Variants in GRID1 observed in about 807,000 individuals in gnomAD.
GRID1 encodes glutamate ionotropic receptor delta type subunit 1.
In GRID1, 28 loss-of-function variants were observed where a neutral mutation model predicts 98.0. The ratio of observed to expected loss-of-function variants is 0.29; its 90% CI spans 0.21 to 0.39. GRID1 has a LOEUF of 0.39. GRID1 is among the 10% of genes least tolerant of loss of function. The probability of loss-of-function intolerance (pLI) is 1.00; values close to 1 mark genes in which losing one functional copy is unlikely to be tolerated. For synonymous variants in GRID1, 553 were observed against 538.5 expected (o/e 1.03, Z -0.37); for missense variants, 1,111 against 1,340.5 (o/e 0.83, Z 2.67).
chr10:86,335,157 C>T (rs1037425881), intron 2 of GRID1, among the ~76,000 whole-genome samples: 3 of 152,236 alleles, frequency 2.0e-5, no homozygotes, highest in Non-Finnish European at 2.9e-5. Context: ...TAGCTACTGT[C>T]GGCTCCTCCG....
intron 12 of GRID1, among the ~76,000 whole-genome samples, chr10:85,660,593 A>G (rs1189308487): frequency 1.3e-5 from 2 of 151,890 alleles, no homozygotes; most frequent in African/African-American, 4.8e-5. Context: ...CAATTTATGC[A>G]GGACCCTACA....
At chr10:85,825,519 A>G (rs2131756006) in intron 8 of GRID1, among the ~76,000 whole-genome samples, 1 of 152,278 alleles carries the variant, frequency 6.6e-6, no homozygotes, top group South Asian at 2.1e-4. Flanking sequence ...TTTGCTGTGC[A>G]GAAGCATTTG....
chr10:86,298,937 G>A (rs537327871), intron 2 of GRID1, among the ~76,000 whole-genome samples: 87 of 152,080 alleles, frequency 5.7e-4, no homozygotes, highest in African/African-American at 1.9e-3. Context: ...TGAGGAAGGA[G>A]TGGACAGCAT....
chr10:85,970,582 T>G (rs2131854688), intron 4 of GRID1, among the ~76,000 whole-genome samples: 1 of 152,160 alleles, frequency 6.6e-6, no homozygotes, highest in African/African-American at 2.4e-5. Flanking sequence ...ATGATTATCT[T>G]TACAGATGCA....
In GRID1 at chr10:86,066,513, G is replaced by A. The variant is rs190749307; in HGVS notation, c.726+72306C>T. Among the ~76,000 whole-genome samples, 37 of 152,284 alleles carry A rather than the reference G, an allele frequency of 2.4e-4. No individual in the cohort carries two copies. The East Asian group carries it at 5.0e-3, about 21-fold the overall frequency. ...GTACCCAAGTTCACACAGTTTATAAGTGGCAGAGCTGAGGGAGGTCAAACC... is the reference window on the plus strand; with the variant it reads ...GTACCCAAGTTCACACAGTTTATAAATGGCAGAGCTGAGGGAGGTCAAACC... On this transcript the variant is annotated intron_variant, in intron 4 of 15. Transcript: ENST00000327946.
chr10:86,057,662 C>A (rs1252029787), intron 4 of GRID1, among the ~76,000 whole-genome samples: 1 of 152,180 alleles, frequency 6.6e-6, no homozygotes, highest in African/African-American at 2.4e-5. Flanking sequence ...AGTTTTCCCA[C>A]TCTCAGGTCT....
At chr10:86,304,763 C>T (rs909585357) in intron 2 of GRID1, among the ~76,000 whole-genome samples, 1 of 152,218 alleles carries the variant, frequency 6.6e-6, no homozygotes, top group Non-Finnish European at 1.5e-5. Context: ...GACAAGGAAA[C>T]TTGTCTTTGT....
chr10:85,868,517 G>T (rs1843244648), intron 6 of GRID1, among the ~76,000 whole-genome samples: 1 of 152,158 alleles, frequency 6.6e-6, no homozygotes, highest in African/African-American at 2.4e-5. Flanking sequence ...CTGCTGTCCT[G>T]CCCCTCCCTG....
chr10:85,993,400 C>T (rs1397470230), intron 4 of GRID1, among the ~76,000 whole-genome samples: 1 of 152,218 alleles, frequency 6.6e-6, no homozygotes, highest in Non-Finnish European at 1.5e-5. Context: ...AGCCACAGTG[C>T]AAGGGTCACT....
intron 5 of GRID1, among the ~76,000 whole-genome samples, chr10:85,878,533 GA>G (rs1268791237): frequency 6.6e-6 from 1 of 152,156 alleles, no homozygotes; most frequent in Non-Finnish European, 1.5e-5. Flanking sequence ...ATTCATAAGT[GA>G]AGGAGAAATA....
chr10:85,820,697 C>A (rs1842762108), intron 8 of GRID1, among the ~76,000 whole-genome samples: 1 of 152,068 alleles, frequency 6.6e-6, no homozygotes, highest in African/African-American at 2.4e-5. Context: ...ATAAAAGCCA[C>A]AACAAGATAC....
chr10:86,196,053 C>T (rs970577817), intron 3 of GRID1, among the ~76,000 whole-genome samples: 2 of 152,074 alleles, frequency 1.3e-5, no homozygotes, highest in African/African-American at 4.8e-5. Context: ...GACACGACAA[C>T]CTGGCCTCTG....
At chr10:85,696,297 A>G (rs1020599891) in intron 12 of GRID1, among the ~76,000 whole-genome samples, 2 of 152,124 alleles carry the variant, frequency 1.3e-5, no homozygotes, top group African/African-American at 4.8e-5. Flanking sequence ...TATAGGGTCT[A>G]TGACATTAAA....
At chr10:86,104,292 T>C (rs1170873330) in intron 4 of GRID1, among the ~76,000 whole-genome samples, 1 of 152,198 alleles carries the variant, frequency 6.6e-6, no homozygotes, top group Non-Finnish European at 1.5e-5. Context: ...ACGCCTGCTC[T>C]GTGAAGTTCC....
At chr10:86,207,462 C>G (rs1314447691) in intron 2 of GRID1, among the ~76,000 whole-genome samples, 1 of 152,126 alleles carries the variant, frequency 6.6e-6, no homozygotes, top group Non-Finnish European at 1.5e-5. Flanking sequence ...CCTGTAACTG[C>G]AAGAGGCGCC....
chr10:86,235,931 A>G (rs1274948060), intron 2 of GRID1, among the ~76,000 whole-genome samples: 2 of 152,220 alleles, frequency 1.3e-5, no homozygotes. Flanking sequence ...GCTAAATGAT[A>G]TGGTGAAGTA....
At chr10:86,056,851 G>A (rs896937478) in intron 4 of GRID1, among the ~76,000 whole-genome samples, 2 of 152,232 alleles carry the variant, frequency 1.3e-5, no homozygotes. Context: ...TAGCAATCAG[G>A]AGCCCCTAGG....
chr10:86,115,129 G>T (rs1243212949), intron 4 of GRID1, among the ~76,000 whole-genome samples: 2 of 152,202 alleles, frequency 1.3e-5, no homozygotes, highest in Non-Finnish European at 2.9e-5. Flanking sequence ...ATGGCGGCTT[G>T]TGAGAGACAA....
Position 86,366,566 on chromosome 10 carries a change from C to A in GRID1, c.-174G>T. ...GCGCCCTGCGCCCGCCCCAGCCCAG[C>A]CCAGCCCAGCCCAGCGCGGTCGGGC... On this transcript the variant is annotated 5_prime_UTR_variant, in exon 1 of 16. Transcript: ENST00000327946. This position sits in a 1 kb window ranked among gnomAD's most constrained non-coding sequence, Gnocchi z 4.1. 4.1e-6 allele frequency: 1 copy of A among 244,464 alleles called. No individual in the cohort carries two copies. Among genetic ancestry groups the A allele is most frequent in the Non-Finnish European group, 7.6e-6 (1 of 130,778 alleles). 15.1% of individuals were successfully genotyped at this position (244,464 alleles called of 1,614,324 possible).
Sources: allele counts gnomAD v4.1 joint callset (sites outside exome capture counted in the v4.1 genomes callset), GRCh38; gene constraint gnomAD v4.1.1; non-coding constraint Gnocchi (gnomAD v3.1); transcripts MANE v1.5; gene names NCBI Gene and HGNC (gene_info 2026-07-23, HGNC 2026-07-21).